The following PCDH15 variants were observed in gnomAD, a reference collection of about 807,000 sequenced individuals.
PCDH15 encodes the protein protocadherin-15.
Under a neutral mutation model 178.5 loss-of-function variants are expected in PCDH15, and 129 were observed. The observed-to-expected ratio is 0.72, with a 90% CI of 0.63 to 0.84. PCDH15 has a LOEUF of 0.84. Ranked by LOEUF, PCDH15 falls within the 40% of genes least tolerant of loss-of-function variation. The probability of loss-of-function intolerance (pLI) is 0.00; values close to 1 mark genes in which losing one functional copy is unlikely to be tolerated. For synonymous variants in PCDH15, 800 were observed against 732.0 expected (o/e 1.09, Z -1.50); for missense variants, 2,230 against 2,099.9 (o/e 1.06, Z -1.21).
chr10:55,167,507 T>C (rs1410820116), intron 1 of PCDH15, among the ~76,000 whole-genome samples: 1 of 152,190 alleles, frequency 6.6e-6, no homozygotes, highest in Admixed American at 6.5e-5. Context: ...TTTGTATTTA[T>C]GCTTTGTCAA....
chr10:53,811,955 A>ATAGTT (rs1399416918), intron 35 of PCDH15, among the ~76,000 whole-genome samples: 1 of 152,188 alleles, frequency 6.6e-6, no homozygotes, highest in African/African-American at 2.4e-5. Context: ...TTATCAATCA[A>ATAGTT]TAGTTAATAT....
At chr10:54,137,945 T>C (rs1338028291) in intron 14 of PCDH15, among the ~76,000 whole-genome samples, 2 of 152,052 alleles carry the variant, frequency 1.3e-5, no homozygotes, top group Non-Finnish European at 2.9e-5. Flanking sequence ...TCACCCAATT[T>C]TCACTGGAGG....
intron 32 of PCDH15, chr10:53,823,415 T>A (rs775123956): frequency 3.3e-6 from 5 of 1,495,758 alleles, no homozygotes; most frequent in Non-Finnish European, 4.7e-6. Context: ...ACAGCTTTCA[T>A]GAGAAAGATG....
At chr10:54,649,530 C>T (rs918753230) in intron 2 of PCDH15, among the ~76,000 whole-genome samples, 2 of 151,944 alleles carry the variant, frequency 1.3e-5, no homozygotes, top group African/African-American at 2.4e-5. Flanking sequence ...AGCTGAAGAG[C>T]TCTCATCAGT....
At position 55,524,200 on chromosome 10, in the gene PCDH15, TAAATAATTCGG is replaced by T. The variant is rs1841250789; in HGVS notation, c.-156+103414_-156+103424del. ...AGTACTGAAGAAAAAGTATATAGAG[TAAATAATTCGG>T]AAATATCGGTTTACTTTGTGGGCAC... On this transcript the variant is annotated intron_variant, in intron 2 of 5. Transcript: ENST00000613346. Among the ~76,000 whole-genome samples the T allele has an allele frequency of 2.0e-5, 3 of 151,570 alleles. No homozygotes were observed. The South Asian group carries it at 6.2e-4, about 31-fold the overall frequency.
chr10:55,349,681 G>A (rs1410697221), intron 2 of PCDH15, among the ~76,000 whole-genome samples: 1 of 151,980 alleles, frequency 6.6e-6, no homozygotes, highest in Non-Finnish European at 1.5e-5. Context: ...TAAATACGCA[G>A]GTTCAAATGC....
chr10:55,211,785 C>G (rs978712387), intron 1 of PCDH15, among the ~76,000 whole-genome samples: 3 of 151,936 alleles, frequency 2.0e-5, no homozygotes, highest in Admixed American at 2.0e-4. Flanking sequence ...TGAGTTAACC[C>G]ATAAGGAAAA....
chr10:54,568,097 AAAAAC>A (rs1215595927), intron 2 of PCDH15, among the ~76,000 whole-genome samples: 4 of 152,294 alleles, frequency 2.6e-5, no homozygotes, highest in East Asian at 1.9e-4. Context: ...TGCTCTATTT[AAAAAC>A]ATATTTTCAA....
chr10:55,039,527 G>A (rs888746054), intron 2 of PCDH15, among the ~76,000 whole-genome samples: 2 of 152,060 alleles, frequency 1.3e-5, no homozygotes. Flanking sequence ...GAACAGAGAT[G>A]CTGATAATTT....
chr10:54,351,192 CAA>C (rs1326056205), intron 5 of PCDH15, among the ~76,000 whole-genome samples: 1 of 151,748 alleles, frequency 6.6e-6, no homozygotes, highest in Non-Finnish European at 1.5e-5. Flanking sequence ...AAACTGTGAA[CAA>C]AGAGACCTAC....
intron 1 of PCDH15, among the ~76,000 whole-genome samples, chr10:55,257,926 T>C (rs532103224): frequency 1.3e-5 from 2 of 152,226 alleles, no homozygotes; most frequent in East Asian, 3.9e-4. Context: ...AATTGTCAGA[T>C]TCACCAAAGT....
rs147455896 is a variant in PCDH15, at chr10:55,315,315, T to C, written c.-156+4284A>G. On this transcript the variant is annotated intron_variant, in intron 1 of 5. Coordinates refer to the PCDH15 transcript ENST00000458638. ...TTTGTAAAATAATTACAAATGCAAATGTATAAAATGCAACAACACGGAAAA... is the reference window on the plus strand; with the variant it reads ...TTTGTAAAATAATTACAAATGCAAACGTATAAAATGCAACAACACGGAAAA... Among the ~76,000 whole-genome samples the C allele has an allele frequency of 3.5e-4, 53 of 152,290 alleles. 1 individual carries two copies. Among genetic ancestry groups the C allele is most frequent in the African/African-American group, 1.2e-3 (49 of 41,584 alleles).
chr10:55,262,655 G>A (rs1842176410), intron 1 of PCDH15, among the ~76,000 whole-genome samples: 1 of 152,074 alleles, frequency 6.6e-6, no homozygotes, highest in Non-Finnish European at 1.5e-5. Context: ...CCGACTCCAG[G>A]GAAAAACCAC....
intron 3 of PCDH15, among the ~76,000 whole-genome samples, chr10:54,858,188 T>TGAA (rs1953774463): frequency 6.6e-6 from 1 of 152,200 alleles, no homozygotes; most frequent in African/African-American, 2.4e-5. Context: ...CCTAGCTTGT[T>TGAA]TCACTAAGAA....
At chr10:54,142,057 T>G (rs1374495057) in intron 14 of PCDH15, among the ~76,000 whole-genome samples, 2 of 152,146 alleles carry the variant, frequency 1.3e-5, no homozygotes, top group African/African-American at 4.8e-5. Context: ...TTTCAAAAGT[T>G]TGTCAAAGGA....
intron 2 of PCDH15, among the ~76,000 whole-genome samples, chr10:55,529,276 G>A (rs550601871): frequency 1.3e-5 from 2 of 151,962 alleles, no homozygotes; most frequent in Non-Finnish European, 2.9e-5. Context: ...CATTGCTTCT[G>A]GTGTTTTAGA....
At chr10:54,689,912 G>A (rs564926077) in intron 1 of PCDH15, among the ~76,000 whole-genome samples, 1 of 152,108 alleles carries the variant, frequency 6.6e-6, no homozygotes, top group East Asian at 1.9e-4. Flanking sequence ...TGGTATTGGG[G>A]CATGTTCTTG....
At chr10:54,545,890 T>C (rs1299721056) in intron 2 of PCDH15, among the ~76,000 whole-genome samples, 1 of 152,236 alleles carries the variant, frequency 6.6e-6, no homozygotes, top group Non-Finnish European at 1.5e-5. Flanking sequence ...CAGACTCATT[T>C]GCGGATAGGG....
chr10:54,055,313 C>T (rs376679842), intron 18 of PCDH15, among the ~76,000 whole-genome samples: 1 of 152,054 alleles, frequency 6.6e-6, no homozygotes, highest in African/African-American at 2.4e-5. Context: ...ATGTTGTAGA[C>T]TTATGGTTCT....
Sources: allele counts gnomAD v4.1 joint callset (sites outside exome capture counted in the v4.1 genomes callset), GRCh38; gene constraint gnomAD v4.1.1; transcripts MANE v1.5; gene names NCBI Gene and HGNC (gene_info 2026-07-23, HGNC 2026-07-21).